SP4: variants seen among roughly 807,000 people sequenced by gnomAD.
SP4 encodes transcription factor Sp4.
SP4 carries 19 observed loss-of-function variants against 72.8 expected under a neutral mutation model. That is an observed-to-expected ratio of 0.26 (90% CI 0.18 to 0.38). SP4 has a LOEUF of 0.38. Among genes scored for constraint, SP4 ranks in the 10% least tolerant of loss-of-function variants. The probability of loss-of-function intolerance (pLI) is 1.00; values close to 1 mark genes in which losing one functional copy is unlikely to be tolerated. For synonymous variants in SP4, 395 were observed against 333.1 expected (o/e 1.19, Z -2.02); for missense variants, 1,008 against 926.3 (o/e 1.09, Z -1.14).
At chr7:21,451,963 G>A (rs1331404488) in intron 3 of SP4, among the ~76,000 whole-genome samples, 1 of 152,136 alleles carries the variant, frequency 6.6e-6, no homozygotes, top group African/African-American at 2.4e-5. Context: ...AACCAATTCC[G>A]ATACATGCCC....
chr7:21,485,601 G>A (rs1562619276), intron 5 of SP4, among the ~76,000 whole-genome samples: 2 of 151,868 alleles, frequency 1.3e-5, no homozygotes, highest in Non-Finnish European at 2.9e-5. Flanking sequence ...TAGAATTAAG[G>A]ATTTACTTCA....
rs1371867101 is a variant in SP4 at position 21,513,519 on chromosome 7, A to T, written c.*2250A>T. 6.6e-6 allele frequency: 1 copy of T among 152,184 alleles called. No homozygotes were observed. The highest frequency in any genetic ancestry group is 2.4e-5 in the African/African-American group (1 of 41,070). 9.4% of individuals were successfully genotyped at this position (152,184 alleles called of 1,614,324 possible). The stretch of plus-strand genomic sequence containing the variant: ...TGGTAGTGTTCATTTTAATTTTATT[A>T]TATAGGAGCTGAAACATCAAATATA... On this transcript the variant is annotated 3_prime_UTR_variant, in exon 6 of 6. Coordinates refer to ENST00000222584, the MANE Select transcript of SP4 (RefSeq NM_003112.5).
chr7:21,438,156 C>T (rs1376611497), intron 3 of SP4, among the ~76,000 whole-genome samples: 1 of 151,972 alleles, frequency 6.6e-6, no homozygotes, highest in Non-Finnish European at 1.5e-5. Context: ...GGATGTTCAT[C>T]GGTCAAAGAT....
intron 3 of SP4, 88 bp downstream of exon 3, chr7:21,430,931 G>C (rs1206982074): frequency 2.4e-5 from 22 of 924,540 alleles, no homozygotes; most frequent in East Asian, 2.2e-4. Context: ...GTTTGACGTA[G>C]ACCTCTGAAG....
At chr7:21,435,196 A>C (rs1398040390) in intron 3 of SP4, among the ~76,000 whole-genome samples, 3 of 152,158 alleles carry the variant, frequency 2.0e-5, no homozygotes, top group Non-Finnish European at 4.4e-5. Flanking sequence ...TTTCTTTGTC[A>C]ATTTTAGTGG....
intron 3 of SP4, among the ~76,000 whole-genome samples, chr7:21,468,226 T>G (rs971158216): frequency 1.1e-4 from 17 of 152,162 alleles, no homozygotes; most frequent in Admixed American, 1.3e-4. Context: ...CTACATATCT[T>G]TATTCTACTA....
At chr7:21,494,980 G>A (rs1315310896) in intron 5 of SP4, among the ~76,000 whole-genome samples, 1 of 152,102 alleles carries the variant, frequency 6.6e-6, no homozygotes, top group Non-Finnish European at 1.5e-5. Flanking sequence ...TGCAAAAACA[G>A]TTCAGTAAAG....
In SP4 at chr7:21,512,899, T is replaced by G. The variant is rs1782185631; in HGVS notation, c.*1630T>G. On this transcript the variant is annotated 3_prime_UTR_variant, in exon 6 of 6. Transcript: ENST00000222584. ...TTACTAGGAAAGATGGCCAAAAGTT[T>G]CATATGAAAAAAATTGGATTATAAA... 6.6e-6 allele frequency: 1 copy of G among 152,570 alleles called. No homozygotes were observed. The highest frequency in any genetic ancestry group is 2.4e-5 in the African/African-American group (1 of 41,434). 9.5% of individuals were successfully genotyped at this position (152,570 alleles called of 1,614,324 possible). A position where few individuals can be genotyped will look rare whatever the true frequency, so the allele number is the denominator to read the frequency against.
At chr7:21,469,096 A>G (rs768010146) in intron 3 of SP4, among the ~76,000 whole-genome samples, 1 of 152,190 alleles carries the variant, frequency 6.6e-6, no homozygotes, top group Non-Finnish European at 1.5e-5. Flanking sequence ...TGTTACTTAT[A>G]ATAAGTATTT....
chr7:21,429,360 A>T lies in SP4; in HGVS notation c.195A>T (p.Gln65His). Residue 65 changes from glutamine to histidine, a missense_variant, in exon 3 of 6, where the codon CAA (glutamine) becomes CAT (histidine). Physicochemically the swap from Gln to His is conservative, Grantham distance 24 (BLOSUM62 0). Around this residue, in one of 3 missense-constraint regions of SP4, gnomAD observed 893 missense variants for 743.3 expected, o/e 1.20. Coordinates refer to ENST00000222584, the MANE Select transcript of SP4 (RefSeq NM_003112.5). ...AAATAGGGACTCCTGGTGAAAATCA[A>T]GCAACTGGACAACAACAAATTATTA... Reference protein sequence around the residue: ...CSKIGTPGENQATGQQQIIID... With the variant: ...CSKIGTPGENHATGQQQIIID... 1 of 1,614,014 alleles carries T rather than the reference A, an allele frequency of 6.2e-7. No homozygotes were observed. The highest frequency in any genetic ancestry group is 8.5e-7 in the Non-Finnish European group (1 of 1,179,984).
chr7:21,451,942 G>A (rs1005952677), intron 3 of SP4, among the ~76,000 whole-genome samples: 13 of 152,300 alleles, frequency 8.5e-5, no homozygotes, highest in Admixed American at 1.3e-4. Flanking sequence ...ACCTGGGTGC[G>A]TGGGGTTGCT....
At chr7:21,507,297 G>T (rs78159755) in intron 5 of SP4, among the ~76,000 whole-genome samples, 2 of 152,250 alleles carry the variant, frequency 1.3e-5, no homozygotes, top group Admixed American at 6.5e-5. Flanking sequence ...GGTGCCTGCT[G>T]TGTGGAAGGA....
intron 3 of SP4, among the ~76,000 whole-genome samples, chr7:21,464,039 A>G (rs1784082993): frequency 6.6e-6 from 1 of 151,560 alleles, no homozygotes; most frequent in African/African-American, 2.4e-5. Context: ...CACAGAAAAG[A>G]TTTCACTAAG....
intron 3 of SP4, among the ~76,000 whole-genome samples, chr7:21,452,158 A>G (rs1783619905): frequency 6.6e-6 from 1 of 152,182 alleles, no homozygotes; most frequent in Admixed American, 6.5e-5. Context: ...TTGAAACATG[A>G]TTTTTCTCTT....
At chr7:21,471,563 A>C (rs982828179) in intron 3 of SP4, among the ~76,000 whole-genome samples, 1 of 152,146 alleles carries the variant, frequency 6.6e-6, no homozygotes, top group Non-Finnish European at 1.5e-5. Context: ...GCTGGGTGCC[A>C]TGGCTTGTGC....
intron 5 of SP4, among the ~76,000 whole-genome samples, chr7:21,492,087 A>G (rs566365395): frequency 2.5e-4 from 38 of 152,324 alleles, no homozygotes; most frequent in East Asian, 5.8e-4. Flanking sequence ...AAAAATTAAC[A>G]TTGTCTTGTA....
intron 5 of SP4, among the ~76,000 whole-genome samples, chr7:21,510,272 AT>A (rs1450874653): frequency 6.6e-6 from 1 of 152,206 alleles, no homozygotes; most frequent in Non-Finnish European, 1.5e-5. Flanking sequence ...GCTAACAGTT[AT>A]TCATTGTGCA....
chr7:21,434,098 G>GT (rs1782966479), intron 3 of SP4, among the ~76,000 whole-genome samples: 2 of 152,274 alleles, frequency 1.3e-5, no homozygotes, highest in South Asian at 4.1e-4. Context: ...CCATTCATCT[G>GT]TAAGTACTTT....
intron 3 of SP4, among the ~76,000 whole-genome samples, chr7:21,454,686 T>C (rs563825012): frequency 3.3e-5 from 5 of 152,276 alleles, no homozygotes; most frequent in African/African-American, 1.2e-4. Flanking sequence ...TGGTTAGATT[T>C]TTACTAAGGC....
Sources: allele counts gnomAD v4.1 joint callset (sites outside exome capture counted in the v4.1 genomes callset), GRCh38; gene constraint gnomAD v4.1.1; regional missense constraint gnomAD v4.1.1; transcripts MANE v1.5; gene names NCBI Gene and HGNC (gene_info 2026-07-23, HGNC 2026-07-21).